The following HS3ST5 variants were observed in gnomAD, a reference collection of about 807,000 sequenced individuals.
HS3ST5 encodes heparan sulfate glucosamine 3-O-sulfotransferase 5.
HS3ST5 carries 10 observed loss-of-function variants against 25.4 expected under a neutral mutation model. The ratio of observed to expected loss-of-function variants is 0.39; its 90% confidence interval spans 0.24 to 0.67. The LOEUF (loss-of-function observed/expected upper bound fraction) is 0.67. Among genes scored for constraint, HS3ST5 ranks in the 30% least tolerant of loss-of-function variants. The pLI is 0.44. For missense variants in HS3ST5, 324 were observed against 420.7 expected (o/e 0.77, Z 2.01); for synonymous variants, 170 against 162.4 (o/e 1.05, Z -0.36).
rs9320490 is a variant in HS3ST5, at chr6:114,331,983, T to C, written c.-339+10212A>G. On this transcript the variant is annotated intron_variant, in intron 1 of 4. Transcript: ENST00000312719. ...AGAAAAATGAACTTAAATAATATGA[T>C]TATTAGATATAATTTAAAAAATTTA... 2.3e-3 allele frequency among the ~76,000 whole-genome samples: 357 copies of C among 152,016 alleles called. 3 individuals carry two copies. The highest frequency in any genetic ancestry group is 8.2e-3 in the African/African-American group (339 of 41,520).
At chr6:114,210,447 A>G (rs927834649) in intron 2 of HS3ST5, among the ~76,000 whole-genome samples, 1 of 152,220 alleles carries the variant, frequency 6.6e-6, no homozygotes, top group African/African-American at 2.4e-5. Flanking sequence ...TCTCCAGCTT[A>G]AGCAGCGGCA....
intron 3 of HS3ST5, among the ~76,000 whole-genome samples, chr6:114,081,033 T>G (rs1487390825): frequency 1.3e-5 from 2 of 152,184 alleles, no homozygotes; most frequent in African/African-American, 4.8e-5. Flanking sequence ...CTGGTCTGCT[T>G]GCAATATTGT....
chr6:114,229,383 G>T (rs1466840763), intron 1 of HS3ST5, among the ~76,000 whole-genome samples: 1 of 152,090 alleles, frequency 6.6e-6, no homozygotes, highest in East Asian at 1.9e-4. Flanking sequence ...TTTTAAAATT[G>T]GTAATCAACC....
At chr6:114,283,392 G>A (rs1562263356) in intron 1 of HS3ST5, among the ~76,000 whole-genome samples, 1 of 151,808 alleles carries the variant, frequency 6.6e-6, no homozygotes, top group Non-Finnish European at 1.5e-5. Flanking sequence ...TGGCAGCTTA[G>A]TAACAATATA....
At chr6:114,091,509 C>G (rs1421032959) in intron 3 of HS3ST5, among the ~76,000 whole-genome samples, 1 of 139,568 alleles carries the variant, frequency 7.2e-6, no homozygotes, top group Non-Finnish European at 1.6e-5. Flanking sequence ...AACCCCATCT[C>G]TACTAAAAAA....
chr6:114,081,545 G>C (rs987341332), intron 3 of HS3ST5, among the ~76,000 whole-genome samples: 13 of 152,106 alleles, frequency 8.5e-5, no homozygotes, highest in Non-Finnish European at 1.3e-4. Context: ...ATGGAGCAAC[G>C]GTTCCTCTCA....
intron 3 of HS3ST5, among the ~76,000 whole-genome samples, chr6:114,134,926 T>C (rs1263078094): frequency 6.6e-6 from 1 of 152,230 alleles, no homozygotes; most frequent in Non-Finnish European, 1.5e-5. Context: ...CTGCCATCCA[T>C]GCTTACCATG....
At position 114,252,509 on chromosome 6, in the gene HS3ST5, T is replaced by C. The variant is rs149956789; in HGVS notation, c.-338-23731A>G. On this transcript the variant is annotated intron_variant, in intron 1 of 4. Coordinates refer to ENST00000312719, the MANE Select transcript of HS3ST5 (RefSeq NM_153612.4). ...AGGGGGAATGAGCAAAAGTTCTAGA[T>C]GGTTGCAAGAGAAACTTATGTTATT... Among the ~76,000 whole-genome samples the C allele has an allele frequency of 6.4e-4, 97 of 152,330 alleles. No individual in the cohort carries two copies. In the East Asian group the frequency reaches 0.015, roughly 23 times the overall value.
intron 3 of HS3ST5, among the ~76,000 whole-genome samples, chr6:114,155,355 C>T (rs1486149876): frequency 4.0e-5 from 6 of 151,728 alleles, no homozygotes; most frequent in African/African-American, 9.7e-5. Flanking sequence ...AAGTGAAGTC[C>T]GTGGTAGAAT....
At chr6:114,111,738 T>C (rs1776278106) in intron 3 of HS3ST5, among the ~76,000 whole-genome samples, 1 of 152,102 alleles carries the variant, frequency 6.6e-6, no homozygotes, top group South Asian at 2.1e-4. Context: ...CAATGCTAGG[T>C]ATTTGACTTA....
At chr6:114,191,617 T>C (rs1374395171) in intron 2 of HS3ST5, among the ~76,000 whole-genome samples, 1 of 152,170 alleles carries the variant, frequency 6.6e-6, no homozygotes, top group East Asian at 1.9e-4. Flanking sequence ...AGCATTAAGT[T>C]GAGTGAGGAT....
intron 1 of HS3ST5, among the ~76,000 whole-genome samples, chr6:114,231,989 G>A (rs1027064254): frequency 8.5e-5 from 13 of 152,134 alleles, no homozygotes; most frequent in African/African-American, 2.7e-4. Context: ...AAACATTTCA[G>A]TTATATGTGA....
At chr6:114,076,180 G>A (rs1774119615) in intron 3 of HS3ST5, among the ~76,000 whole-genome samples, 1 of 152,080 alleles carries the variant, frequency 6.6e-6, no homozygotes, top group African/African-American at 2.4e-5. Flanking sequence ...TCCCTTCAAG[G>A]GAAAAACAAA....
chr6:114,273,313 G>A (rs1180123142), intron 1 of HS3ST5, among the ~76,000 whole-genome samples: 1 of 152,028 alleles, frequency 6.6e-6, no homozygotes, highest in Non-Finnish European at 1.5e-5. Flanking sequence ...GATGGGAAAA[G>A]GTGCTGGAAG....
At chr6:114,102,799 A>C (rs537910645) in intron 3 of HS3ST5, among the ~76,000 whole-genome samples, 18 of 152,328 alleles carry the variant, frequency 1.2e-4, no homozygotes, top group Non-Finnish European at 2.5e-4. Context: ...TTAAGCACGC[A>C]TTACAGAAAA....
chr6:114,118,905 T>G (rs1444371335), intron 3 of HS3ST5, among the ~76,000 whole-genome samples: 1 of 152,208 alleles, frequency 6.6e-6, no homozygotes, highest in African/African-American at 2.4e-5. Flanking sequence ...ATGCTCCAGA[T>G]AGTGGCTGTT....
intron 3 of HS3ST5, among the ~76,000 whole-genome samples, chr6:114,153,117 C>T (rs960453828): frequency 3.3e-5 from 5 of 152,142 alleles, no homozygotes; most frequent in Admixed American, 3.3e-4. Context: ...CACTGAAACA[C>T]CCTTTTACTG....
chr6:114,155,893 T>G (rs183906183), intron 3 of HS3ST5, among the ~76,000 whole-genome samples: 81 of 152,238 alleles, frequency 5.3e-4, no homozygotes, highest in Non-Finnish European at 1.0e-3. Flanking sequence ...GGCTTCTACC[T>G]TAGTGCACCA....
At chr6:114,329,458 T>C (rs1776303363) in intron 1 of HS3ST5, among the ~76,000 whole-genome samples, 1 of 152,174 alleles carries the variant, frequency 6.6e-6, no homozygotes, top group African/African-American at 2.4e-5. Flanking sequence ...GGATTGGCAT[T>C]GGGACTGCCA....
Sources: allele counts gnomAD v4.1 joint callset (sites outside exome capture counted in the v4.1 genomes callset), GRCh38; gene constraint gnomAD v4.1.1; transcripts MANE v1.5; gene names NCBI Gene and HGNC (gene_info 2026-07-23, HGNC 2026-07-21).